Variants in TMEM236 observed in about 807,000 individuals in gnomAD.
The protein encoded by TMEM236 is family with sequence similarity 23, member A.
A neutral mutation model predicts 14.7 loss-of-function variants in TMEM236; 11 were observed. That is an observed-to-expected ratio of 0.75 (90% confidence interval 0.47 to 1.24). TMEM236 has a LOEUF of 1.24. Ranked by LOEUF, TMEM236 falls within the 50% of genes most tolerant of loss-of-function variation. The probability of loss-of-function intolerance (pLI) is 0.00; values close to 1 mark genes in which losing one functional copy is unlikely to be tolerated. For synonymous variants in TMEM236, 182 were observed against 168.6 expected (o/e 1.08, Z -0.62); for missense variants, 464 against 427.3 (o/e 1.09, Z -0.76).
chr10:17,779,254 C>G (rs999811280), intron 3 of TMEM236, among the ~76,000 whole-genome samples: 1 of 152,084 alleles, frequency 6.6e-6, no homozygotes, highest in South Asian at 2.1e-4. Flanking sequence ...TGCCAGCTCT[C>G]ACTCCAGGCC....
At chr10:17,763,694 G>A (rs1431616782) in intron 1 of TMEM236, among the ~76,000 whole-genome samples, 3 of 152,188 alleles carry the variant, frequency 2.0e-5, no homozygotes, top group East Asian at 1.9e-4. Flanking sequence ...AGAGGAGGAG[G>A]ATGAGTATGA....
At chr10:17,774,102 T>A (rs1243302441) in intron 2 of TMEM236, among the ~76,000 whole-genome samples, 1 of 152,136 alleles carries the variant, frequency 6.6e-6, no homozygotes, top group Non-Finnish European at 1.5e-5. Flanking sequence ...TGGACTGCAG[T>A]GGTGCAATCT....
intron 1 of TMEM236, among the ~76,000 whole-genome samples, chr10:17,758,030 A>G (rs1474764636): frequency 6.6e-6 from 1 of 152,088 alleles, no homozygotes; most frequent in African/African-American, 2.4e-5. Context: ...TGGTCTCCCA[A>G]AGTGCTGGGA....
intron 2 of TMEM236, 51 bp from the exon 3 acceptor site, chr10:17,775,978 A>G: frequency 6.2e-7 from 1 of 1,605,884 alleles, no homozygotes; most frequent in Non-Finnish European, 8.5e-7. Context: ...AAGCATTTTG[A>G]GCAAAGAAAG....
intron 1 of TMEM236, among the ~76,000 whole-genome samples, chr10:17,761,995 C>T (rs929151807): frequency 5.9e-5 from 9 of 152,162 alleles, no homozygotes; most frequent in African/African-American, 2.2e-4. Context: ...TTCACCTCCT[C>T]TGCCCTTTCT....
intron 1 of TMEM236, among the ~76,000 whole-genome samples, chr10:17,759,676 G>A (rs1448798439): frequency 6.6e-6 from 1 of 152,066 alleles, no homozygotes; most frequent in Non-Finnish European, 1.5e-5. Context: ...ATCTTGATAT[G>A]CAAGAACAAT....
chr10:17,764,996 A>G (rs992655787), intron 1 of TMEM236, among the ~76,000 whole-genome samples: 2 of 151,532 alleles, frequency 1.3e-5, no homozygotes, highest in African/African-American at 2.4e-5. Flanking sequence ...TAATTTTTGT[A>G]TTTTTAGTAG....
intron 3 of TMEM236, among the ~76,000 whole-genome samples, chr10:17,789,709 C>G (rs1481254090): frequency 1.3e-5 from 2 of 151,570 alleles, no homozygotes; most frequent in Non-Finnish European, 2.9e-5. Flanking sequence ...AGTGAGATCT[C>G]CATCTCTACA....
At chr10:17,755,323 G>A (rs979697805) in intron 1 of TMEM236, among the ~76,000 whole-genome samples, 2 of 152,018 alleles carry the variant, frequency 1.3e-5, no homozygotes, top group Non-Finnish European at 2.9e-5. Context: ...GCACATCCAC[G>A]CAAGGGCAGA....
chr10:17,791,372 C>T (rs997109456), intron 3 of TMEM236, among the ~76,000 whole-genome samples: 65 of 151,950 alleles, frequency 4.3e-4, no homozygotes, highest in East Asian at 2.3e-3. Context: ...GCAGGAGGAT[C>T]GCTTGAGTCT....
intron 1 of TMEM236, among the ~76,000 whole-genome samples, chr10:17,759,463 T>C (rs2131740840): frequency 6.6e-6 from 1 of 152,290 alleles, no homozygotes; most frequent in East Asian, 1.9e-4. Flanking sequence ...AAGACCATTT[T>C]GGGCAACATT....
intron 3 of TMEM236, among the ~76,000 whole-genome samples, chr10:17,788,492 T>A (rs1837872496): frequency 6.6e-6 from 1 of 151,352 alleles, no homozygotes. Flanking sequence ...GGCTCACACC[T>A]GTAATCCCAG....
In TMEM236 at chr10:17,769,158, G is replaced by C. The variant is rs1230557128; in HGVS notation, c.258-2151G>C. Among the ~76,000 whole-genome samples, 4 of 152,306 alleles carry C rather than the reference G, an allele frequency of 2.6e-5. No homozygotes were observed. In the East Asian group the frequency reaches 7.7e-4, roughly 29 times the overall value. ...AAAAAACGTGAAGACAATGTTGCTAGGCAAGAATAGAACCACCAACAGGAA... is the reference window on the plus strand; with the variant it reads ...AAAAAACGTGAAGACAATGTTGCTACGCAAGAATAGAACCACCAACAGGAA... On this transcript the variant is annotated intron_variant, in intron 1 of 3. Transcript: ENST00000377495.
intron 3 of TMEM236, among the ~76,000 whole-genome samples, chr10:17,778,727 C>G (rs1392463045): frequency 1.3e-5 from 2 of 152,190 alleles, no homozygotes; most frequent in Non-Finnish European, 2.9e-5. Flanking sequence ...TAATCTACAA[C>G]GTTTTGATTT....
chr10:17,787,275 C>G (rs1482124412), intron 3 of TMEM236, among the ~76,000 whole-genome samples: 2 of 152,236 alleles, frequency 1.3e-5, no homozygotes, highest in Non-Finnish European at 2.9e-5. Flanking sequence ...TCTGTGGGGC[C>G]TGATGTCGCA....
At chr10:17,788,250 A>G (rs1275869550) in intron 3 of TMEM236, among the ~76,000 whole-genome samples, 1 of 151,232 alleles carries the variant, frequency 6.6e-6, no homozygotes, top group Non-Finnish European at 1.5e-5. Context: ...TGTAAATTAA[A>G]TAACATTTTC....
chr10:17,784,601 G>C (rs1348042097), intron 3 of TMEM236, among the ~76,000 whole-genome samples: 1 of 152,128 alleles, frequency 6.6e-6, no homozygotes, highest in African/African-American at 2.4e-5. Context: ...GATGCTGCCT[G>C]GTTAATGAAA....
chr10:17,772,074 C>A (rs1464229004), intron 2 of TMEM236, among the ~76,000 whole-genome samples: 2 of 152,158 alleles, frequency 1.3e-5, no homozygotes, highest in East Asian at 3.8e-4. Flanking sequence ...AGCAAATATT[C>A]ATTAAGTATA....
At chr10:17,762,635 A>T in intron 1 of TMEM236, among the ~76,000 whole-genome samples, 1 of 141,040 alleles carries the variant, frequency 7.1e-6, no homozygotes, top group African/African-American at 2.6e-5. Context: ...ATACATATAT[A>T]TATATATTTA....
Sources: gnomAD v4.1 joint callset for allele counts (sites outside exome capture counted in the v4.1 genomes callset) on GRCh38, gnomAD v4.1.1 for gene constraint, MANE v1.5 for transcripts, NCBI Gene and HGNC (gene_info 2026-07-23, HGNC 2026-07-21) for gene names.